HUNK: variants seen among roughly 807,000 people sequenced by gnomAD.
HUNK encodes hormonally up-regulated Neu-associated kinase.
A neutral mutation model predicts 61.0 loss-of-function variants in HUNK; 21 were observed. That is an observed-to-expected ratio of 0.34 (90% CI 0.24 to 0.50). HUNK has a LOEUF of 0.50. Among genes scored for constraint, HUNK ranks in the 20% least tolerant of loss-of-function variants. The pLI is 0.98. For missense variants in HUNK, 772 were observed against 945.7 expected, an observed-to-expected ratio of 0.82 and a Z score of 2.41; for synonymous variants, 371 against 386.1, an observed-to-expected ratio of 0.96 and a Z score of 0.46.
At chr21:31,932,735 C>T (rs771659633) in intron 2 of HUNK, among the ~76,000 whole-genome samples, 2 of 151,980 alleles carry the variant, frequency 1.3e-5, no homozygotes, top group Non-Finnish European at 2.9e-5. Flanking sequence ...GCCTTCTGAA[C>T]CCACACCACT....
At chr21:31,902,787 G>T (rs1414671443) in intron 1 of HUNK, among the ~76,000 whole-genome samples, 1 of 152,174 alleles carries the variant, frequency 6.6e-6, no homozygotes, top group African/African-American at 2.4e-5. Flanking sequence ...CCAGCCATTG[G>T]AATATTTACT....
chr21:31,880,956 C>T (rs2052301993), intron 1 of HUNK, among the ~76,000 whole-genome samples: 1 of 152,200 alleles, frequency 6.6e-6, no homozygotes, highest in South Asian at 2.1e-4. Flanking sequence ...CTGAGCTGGC[C>T]CTTCAGAGCT....
At chr21:31,879,397 G>A (rs16988594) in intron 1 of HUNK, among the ~76,000 whole-genome samples, 2,343 of 152,260 alleles carry the variant, frequency 0.015, 69 homozygotes, top group Admixed American at 0.07. Flanking sequence ...AGTTGCAGGC[G>A]GATTCTTTTG....
chr21:31,940,023 CTTG>C lies in HUNK; in HGVS notation c.555-138_555-136del, dbSNP rs1335240529. 2.0e-5 allele frequency: 13 copies of C among 634,518 alleles called. No homozygotes were observed. In the Admixed American group the frequency reaches 4.4e-4, roughly 21 times the overall value. The allele number at this position is 634,518 out of a possible 1,614,324, so 39.3% of individuals were successfully genotyped here. A position where few individuals can be genotyped will look rare whatever the true frequency, so the allele number is the denominator to read the frequency against. The stretch of plus-strand genomic sequence containing the variant: ...ATATATCATGTCTTTTAAATATTTA[CTTG>C]TTGATTGAGTTTTGGCAGAAAGCTT... On this transcript the variant is annotated intron_variant, in intron 2 of 10. Coordinates refer to ENST00000270112, the MANE Select transcript of HUNK (RefSeq NM_014586.2).
chr21:31,893,476 T>C (rs1254137654), intron 1 of HUNK, among the ~76,000 whole-genome samples: 1 of 152,166 alleles, frequency 6.6e-6, no homozygotes, highest in Non-Finnish European at 1.5e-5. Flanking sequence ...TGGAGTGTCA[T>C]GTTCTGGTCT....
chr21:31,880,404 G>A (rs1208085342), intron 1 of HUNK, among the ~76,000 whole-genome samples: 1 of 152,120 alleles, frequency 6.6e-6, no homozygotes, highest in Non-Finnish European at 1.5e-5. Context: ...CAAGGTGTTG[G>A]CAGGGCCATG....
chr21:31,947,550 C>T (rs1013839401), intron 4 of HUNK, among the ~76,000 whole-genome samples: 2 of 152,252 alleles, frequency 1.3e-5, no homozygotes, highest in Non-Finnish European at 2.9e-5. Context: ...CCTGTCTCCC[C>T]AGCCAGCAAG....
intron 1 of HUNK, among the ~76,000 whole-genome samples, chr21:31,903,916 T>C (rs2052487140): frequency 6.6e-6 from 1 of 152,246 alleles, no homozygotes. Context: ...CTTTTTGTTT[T>C]CTGATAGCTG....
intron 1 of HUNK, among the ~76,000 whole-genome samples, chr21:31,894,674 T>C (rs4817440): frequency 0.97 from 148,388 of 152,196 alleles, 72,368 homozygotes; most frequent in East Asian, 1. Context: ...TTAGAAAAGG[T>C]GTCCCCTCTG....
chr21:31,918,668 T>TG (rs990435383), intron 1 of HUNK, among the ~76,000 whole-genome samples: 1 of 152,240 alleles, frequency 6.6e-6, no homozygotes, highest in African/African-American at 2.4e-5. Flanking sequence ...GTCTTCACTT[T>TG]GCTTTCTTCT....
chr21:31,969,248 A>G (rs1441866945), intron 6 of HUNK, among the ~76,000 whole-genome samples: 1 of 152,126 alleles, frequency 6.6e-6, no homozygotes, highest in Non-Finnish European at 1.5e-5. Context: ...ATCAAACAGA[A>G]ACATGGGATC....
chr21:31,890,259 C>T (rs994730483), intron 1 of HUNK, among the ~76,000 whole-genome samples: 22 of 150,268 alleles, frequency 1.5e-4, no homozygotes, highest in Middle Eastern at 3.5e-3. Context: ...GACAGAGTCT[C>T]GCTCTGTTGC....
At chr21:31,884,159 A>G (rs1436686778) in intron 1 of HUNK, among the ~76,000 whole-genome samples, 2 of 152,108 alleles carry the variant, frequency 1.3e-5, no homozygotes, top group African/African-American at 2.4e-5. Flanking sequence ...GTGTCCCCCA[A>G]AATTCTTTTG....
chr21:31,998,791 C>T lies in HUNK; in HGVS notation c.1752C>T (p.Asn584=), dbSNP rs2053224574. The change falls in exon 11 of 11, where the codon AAC becomes AAT. Residue 584 remains asparagine (N), a synonymous_variant. Coordinates refer to ENST00000270112, the MANE Select transcript of HUNK (RefSeq NM_014586.2). The part of the protein sequence containing the change: ...LSPSHHYRIL[N]SPVSLARRNS... Reference sequence around the variant, plus strand: ...CCTCTCATCACTACAGGATTCTGAACTCCCCGGTCAGCTTGGCTCGCAGAA... The same window carrying T: ...CCTCTCATCACTACAGGATTCTGAATTCCCCGGTCAGCTTGGCTCGCAGAA... 6.2e-7 allele frequency: 1 copy of T among 1,614,100 alleles called. No individual in the cohort carries two copies. The highest frequency in any genetic ancestry group is 1.3e-5 in the African/African-American group (1 of 74,946).
intron 6 of HUNK, among the ~76,000 whole-genome samples, chr21:31,973,606 T>C (rs2053028527): frequency 6.6e-6 from 1 of 151,848 alleles, no homozygotes; most frequent in Admixed American, 6.6e-5. Flanking sequence ...ATGATGATGA[T>C]GATGGATGTG....
chr21:31,969,748 T>A (rs895692433), intron 6 of HUNK, among the ~76,000 whole-genome samples: 8 of 151,754 alleles, frequency 5.3e-5, no homozygotes, highest in African/African-American at 1.9e-4. Flanking sequence ...CTATTTTTCT[T>A]CAGAGACAGG....
At position 31,968,269 on chromosome 21, in the gene HUNK, C is replaced by T. The variant is rs752252908; in HGVS notation, c.894C>T (p.Arg298=). 1 of 1,614,220 alleles carries T rather than the reference C, an allele frequency of 6.2e-7. No homozygotes were observed. The highest frequency in any genetic ancestry group is 1.1e-5 in the South Asian group (1 of 91,080). Residue 298 remains arginine (R), a synonymous_variant, in exon 6 of 11, where the codon CGC becomes CGT. Coordinates refer to ENST00000270112, the MANE Select transcript of HUNK (RefSeq NM_014586.2). ...TCCCAGGTGCCATCAGTTTCCTGCG[C>T]TCTCTCCTGGAACCGGATCCTGTGA... is the stretch of plus-strand genomic sequence containing the variant. ...QLSTGAISFL[R]SLLEPDPVKR...
At chr21:31,931,923 C>G (rs1271193214) in intron 2 of HUNK, among the ~76,000 whole-genome samples, 1 of 140,252 alleles carries the variant, frequency 7.1e-6, no homozygotes, top group African/African-American at 2.7e-5. Flanking sequence ...TGCACGCGCG[C>G]ACACACACAC....
Position 31,999,413 on chromosome 21 carries a change from A to G in HUNK, c.*229A>G. On this transcript the variant is annotated 3_prime_UTR_variant, in exon 11 of 11. Transcript: ENST00000270112. Reference sequence around the variant, plus strand: ...CAGGGGCAGCCAATTCCTATCATTCAGATCTTCCTTCCTCCCAAGTACTCA... The same window carrying G: ...CAGGGGCAGCCAATTCCTATCATTCGGATCTTCCTTCCTCCCAAGTACTCA... 1 of 510,534 alleles carries G rather than the reference A, an allele frequency of 2.0e-6. No individual in the cohort carries two copies. The highest frequency in any genetic ancestry group is 3.4e-6 in the Non-Finnish European group (1 of 291,428). The allele number at this position is 510,534 out of a possible 1,614,324, so 31.6% of individuals were successfully genotyped here.
Sources: allele counts gnomAD v4.1 joint callset (sites outside exome capture counted in the v4.1 genomes callset), GRCh38; gene constraint gnomAD v4.1.1; transcripts MANE v1.5; gene names NCBI Gene and HGNC (gene_info 2026-07-23, HGNC 2026-07-21).